Variants in SEPTIN9 observed in about 807,000 individuals in gnomAD.
SEPTIN9 encodes septin 9, also known as septin-9.
Under a neutral mutation model 56.6 loss-of-function variants are expected in SEPTIN9, and 13 were observed. The ratio of observed to expected loss-of-function variants is 0.23; its 90% confidence interval spans 0.15 to 0.37. The LOEUF (loss-of-function observed/expected upper bound fraction) is 0.37, where lower values mean the gene tolerates loss of function less well. Ranked by LOEUF, SEPTIN9 falls within the 10% of genes least tolerant of loss-of-function variation. The pLI is 1.00. For missense variants in SEPTIN9, 650 were observed against 823.1 expected, an observed-to-expected ratio of 0.79 and a Z score of 2.57; for synonymous variants, 332 against 334.1, an observed-to-expected ratio of 0.99 and a Z score of 0.07.
chr17:77,373,654 G>A, intron 2 of SEPTIN9: 2 of 1,479,274 alleles, frequency 1.4e-6, no homozygotes, highest in Non-Finnish European at 9.0e-7. Flanking sequence ...ACGGGAGTGC[G>A]CTGAGGGGAG....
In SEPTIN9 at chr17:77,287,978, C is replaced by A. The variant is rs1462732649; in HGVS notation, c.19+6424C>A. ...TCCTCAGAGCGGTGTTGGCCCGGGG[C>A]CTTCAGTGGCCTTTGTGTCTGGGTG... is the stretch of plus-strand genomic sequence containing the variant. On this transcript the variant is annotated intron_variant, in intron 1 of 11. Coordinates refer to ENST00000427177, the MANE Select transcript of SEPTIN9 (RefSeq NM_001113491.2). 1.5e-5 allele frequency: 16 copies of A among 1,056,064 alleles called. No individual in the cohort carries two copies. The East Asian group carries it at 1.6e-4, about 10-fold the overall frequency. 65.4% of individuals were successfully genotyped at this position (1,056,064 alleles called of 1,614,324 possible).
At chr17:77,302,568 C>T (rs781299718) in intron 1 of SEPTIN9, among the ~76,000 whole-genome samples, 15 of 152,124 alleles carry the variant, frequency 9.9e-5, no homozygotes, top group African/African-American at 3.1e-4. Flanking sequence ...ATCCCAGCTA[C>T]GCAGGAGGTT....
intron 2 of SEPTIN9, among the ~76,000 whole-genome samples, chr17:77,351,505 C>T (rs1055545638): frequency 3.9e-5 from 6 of 152,190 alleles, no homozygotes; most frequent in African/African-American, 1.4e-4. Flanking sequence ...GACACGTCTG[C>T]AGCTCTGGGC....
rs74640290 is a variant in SEPTIN9, at chr17:77,489,210, G to A, written c.1262+346G>A. 9.3e-3 allele frequency among the ~76,000 whole-genome samples: 1,416 copies of A among 152,258 alleles called. 22 individuals carry two copies. The highest frequency in any genetic ancestry group is 0.032 in the African/African-American group (1,346 of 41,550). On this transcript the variant is annotated intron_variant, in intron 7 of 11. Transcript: ENST00000427177. ...GAGCCCCCAGCCAAGCACCCGTAGC[G>A]GTGACTGACCTTCTCATCCGGGCCC...
intron 3 of SEPTIN9, among the ~76,000 whole-genome samples, chr17:77,474,140 G>A (rs886424032): frequency 6.6e-6 from 1 of 152,170 alleles, no homozygotes; most frequent in African/African-American, 2.4e-5. Flanking sequence ...AACCTGGGGC[G>A]GCCTCCTGGA....
intron 3 of SEPTIN9, among the ~76,000 whole-genome samples, chr17:77,479,061 T>C (rs1207146717): frequency 6.6e-6 from 1 of 152,092 alleles, no homozygotes; most frequent in Non-Finnish European, 1.5e-5. Flanking sequence ...GACAGTTTGT[T>C]TTACAAGATG....
intron 3 of SEPTIN9, among the ~76,000 whole-genome samples, chr17:77,422,944 G>A (rs1242159973): frequency 2.0e-5 from 3 of 152,080 alleles, no homozygotes; most frequent in African/African-American, 7.3e-5. Flanking sequence ...CAGCCTTCTG[G>A]TTCGTCTCCC....
In SEPTIN9 at chr17:77,445,238, T is replaced by C. The variant is rs1359056174; in HGVS notation, c.722-36906T>C. Reference sequence around the variant, plus strand: ...TGCCTCGGGGCGTCACAGCTACAAATGCATACCAGCCCTCAGAACCACATT... The same window carrying C: ...TGCCTCGGGGCGTCACAGCTACAAACGCATACCAGCCCTCAGAACCACATT... On this transcript the variant is annotated intron_variant, in intron 3 of 11. Transcript: ENST00000427177. The surrounding 1 kb of genome is among the most constrained non-coding windows in gnomAD (Gnocchi z 4.7). The C allele has an allele frequency of 2.1e-6, 1 of 470,698 alleles. No individual in the cohort carries two copies. The highest frequency in any genetic ancestry group is 2.0e-5 in the African/African-American group (1 of 50,090). 29.2% of individuals were successfully genotyped at this position (470,698 alleles called of 1,614,324 possible). A position where few individuals can be genotyped will look rare whatever the true frequency, so the allele number is the denominator to read the frequency against.
intron 3 of SEPTIN9, among the ~76,000 whole-genome samples, chr17:77,422,352 C>T (rs1162718199): frequency 6.6e-6 from 1 of 152,208 alleles, no homozygotes; most frequent in Non-Finnish European, 1.5e-5. Flanking sequence ...CGGGGCCAGG[C>T]GGGGCGGCCA....
chr17:77,299,263 A>G (rs1315237607), intron 1 of SEPTIN9, among the ~76,000 whole-genome samples: 2 of 152,224 alleles, frequency 1.3e-5, no homozygotes, highest in Admixed American at 1.3e-4. Flanking sequence ...TAAGAATTTA[A>G]AAAAGCTGTC....
intron 2 of SEPTIN9, among the ~76,000 whole-genome samples, chr17:77,309,000 T>C (rs34246065): frequency 0.44 from 66,755 of 152,240 alleles, 16,565 homozygotes; most frequent in East Asian, 0.72. Context: ...ATCGCAGTCA[T>C]GTTGGGCACT....
At position 77,390,041 on chromosome 17, in the gene SEPTIN9, G is replaced by T. The variant is rs12602683; in HGVS notation, c.77-12018G>T. ...AGATGACGGGAGCAGGCACAGAGAGGCCTTCGTCCCGGATCAGTCGCTGTT... is the reference window on the plus strand; with the variant it reads ...AGATGACGGGAGCAGGCACAGAGAGTCCTTCGTCCCGGATCAGTCGCTGTT... On this transcript the variant is annotated intron_variant, in intron 2 of 11. Coordinates refer to ENST00000427177, the MANE Select transcript of SEPTIN9 (RefSeq NM_001113491.2). Among the ~76,000 whole-genome samples, 1,782 of 152,280 alleles carry T rather than the reference G, an allele frequency of 0.012. 95 individuals are homozygous for T. In the East Asian group the frequency reaches 0.16, roughly 14 times the overall value.
chr17:77,397,533 C>G (rs2035759326), intron 2 of SEPTIN9, among the ~76,000 whole-genome samples: 1 of 152,168 alleles, frequency 6.6e-6, no homozygotes, highest in South Asian at 2.1e-4. Context: ...CACTAGTCAA[C>G]CCTCTACAGA....
At chr17:77,386,958 C>T (rs1031411594) in intron 2 of SEPTIN9, among the ~76,000 whole-genome samples, 1 of 152,180 alleles carries the variant, frequency 6.6e-6, no homozygotes, top group Non-Finnish European at 1.5e-5. Context: ...AAGCTGTGAC[C>T]ACACAGGCAC....
In SEPTIN9 at chr17:77,402,397, G is replaced by T; in HGVS notation, c.415G>T (p.Gly139Cys). The change falls in exon 3 of 12, where the codon GGC (glycine) becomes TGC (cysteine). Residue 139 changes from glycine to cysteine, a missense_variant. By Grantham distance (159) the Gly-to-Cys change is radical. Around this residue, in one of 2 missense-constraint regions of SEPTIN9, gnomAD observed 317 missense variants for 329.1 expected, o/e 0.96. Transcript: ENST00000427177. The surrounding 1 kb of genome is among the most constrained non-coding windows in gnomAD (Gnocchi z 6.6). Reference sequence around the variant, plus strand: ...CGGGCTCAAGAGGGCCGAGGTGTTGGGCCACAAGACGCCAGAACCGGCCCC... The same window carrying T: ...CGGGCTCAAGAGGGCCGAGGTGTTGTGCCACAAGACGCCAGAACCGGCCCC... ...RFGLKRAEVLGHKTPEPAPRR... is the reference protein window; with the variant it reads ...RFGLKRAEVLCHKTPEPAPRR... 3.7e-6 allele frequency: 6 copies of T among 1,611,592 alleles called. No individual in the cohort carries two copies. The highest frequency in any genetic ancestry group is 5.1e-6 in the Non-Finnish European group (6 of 1,179,378).
chr17:77,373,173 C>T, intron 2 of SEPTIN9: 1 of 1,064,248 alleles, frequency 9.4e-7, no homozygotes, highest in Non-Finnish European at 1.1e-6. Context: ...CCCCCAGCGG[C>T]CACTCGGGCC....
chr17:77,308,285 G>A (rs1445184337), intron 2 of SEPTIN9, among the ~76,000 whole-genome samples: 4 of 152,242 alleles, frequency 2.6e-5, no homozygotes, highest in Non-Finnish European at 2.9e-5. Flanking sequence ...ACACGGACCC[G>A]GAGTCAAATC....
At chr17:77,338,482 G>A (rs931091742) in intron 2 of SEPTIN9, among the ~76,000 whole-genome samples, 1 of 151,918 alleles carries the variant, frequency 6.6e-6, no homozygotes, top group Admixed American at 6.6e-5. Flanking sequence ...GCAGTGGCAC[G>A]ATTTCAGCTC....
At chr17:77,382,718 A>G (rs1291699827) in intron 2 of SEPTIN9, among the ~76,000 whole-genome samples, 2 of 152,162 alleles carry the variant, frequency 1.3e-5, no homozygotes, top group African/African-American at 2.4e-5. Context: ...TTTCTAAACT[A>G]CAAAAGAAAC....
Sources: gnomAD v4.1 joint callset for allele counts (sites outside exome capture counted in the v4.1 genomes callset) on GRCh38, gnomAD v4.1.1 for gene constraint, gnomAD v4.1.1 regional missense constraint, Gnocchi (gnomAD v3.1) non-coding constraint, MANE v1.5 for transcripts, NCBI Gene and HGNC (gene_info 2026-07-23, HGNC 2026-07-21) for gene names.